The following CHRNE variants were observed in gnomAD, a reference collection of about 807,000 sequenced individuals.
CHRNE encodes the protein acetylcholine receptor subunit epsilon.
A neutral mutation model predicts 56.5 loss-of-function variants in CHRNE; 58 were observed. The observed-to-expected ratio is 1.03, with a 90% confidence interval of 0.83 to 1.28. The LOEUF is 1.28. Among genes scored for constraint, CHRNE ranks in the 50% most tolerant of loss-of-function variants. The probability of loss-of-function intolerance (pLI) is 0.00; values close to 1 mark genes in which losing one functional copy is unlikely to be tolerated. For missense variants in CHRNE, 793 were observed against 688.9 expected (o/e 1.15, Z -1.69); for synonymous variants, 385 against 297.9 (o/e 1.29, Z -3.01).
Position 4,901,180 on chromosome 17 carries a change from C to T in CHRNE, c.612G>A (p.Glu204=). ...IDTEAYTENG[E]WAIDFCPGVI... is the part of the protein sequence containing the mutation. Reference sequence around the variant, plus strand: ...CCCCCGGGCAGAAGTCGATGGCCCACTCGCCGTTCTCTGCGGGACGGGGGC... The same window carrying T: ...CCCCCGGGCAGAAGTCGATGGCCCATTCGCCGTTCTCTGCGGGACGGGGGC... Residue 204 remains glutamate (E), a synonymous_variant, in exon 7 of 12, where the codon GAG becomes GAA. Coordinates refer to ENST00000649488, the MANE Select transcript of CHRNE (RefSeq NM_000080.4). The T allele has an allele frequency of 6.2e-7, 1 of 1,604,892 alleles. No homozygotes were observed.
intron 11 of CHRNE, 41 bp from the exon 12 acceptor site, chr17:4,898,932 G>A: frequency 1.3e-6 from 2 of 1,565,750 alleles, no homozygotes; most frequent in South Asian, 1.2e-5. Context: ...GGCAGCTGCA[G>A]GAGCCAGCGG....
At position 4,902,176 on chromosome 17, in the gene CHRNE, G is replaced by GA; in HGVS notation, c.344+40_344+41insT. The stretch of plus-strand genomic sequence containing the variant: ...CCAACCAAGTCCAGCCCGCACCCCA[G>GA]GCCGGCTTCCCTCCAGCCTGGCGTC... On this transcript the variant is annotated intron_variant, in intron 4 of 11. Coordinates refer to ENST00000649488, the MANE Select transcript of CHRNE (RefSeq NM_000080.4). This position sits in a 1 kb window ranked among gnomAD's most constrained non-coding sequence, Gnocchi z 4.0. The GA allele has an allele frequency of 6.2e-7, 1 of 1,613,656 alleles. No homozygotes were observed. The highest frequency in any genetic ancestry group is 1.3e-5 in the African/African-American group (1 of 75,020).
At chr17:4,900,430 G>A (rs755639020) in intron 8 of CHRNE, 1 of 1,550,950 alleles carries the variant, frequency 6.4e-7, no homozygotes, top group Non-Finnish European at 8.7e-7. Flanking sequence ...TGCCTGTGTG[G>A]ACGGGGTCTG....
At position 4,898,369 on chromosome 17, in the gene CHRNE, G is replaced by A; in HGVS notation, c.*367C>T. On this transcript the variant is annotated 3_prime_UTR_variant, in exon 12 of 12. Coordinates refer to ENST00000649488, the MANE Select transcript of CHRNE (RefSeq NM_000080.4). The stretch of plus-strand genomic sequence containing the variant: ...TACAGCCTCCCTGTGTGCAAGTCCT[G>A]CAAAGGGGTCTCCTGTTTGGCTATG... 1 of 342,538 alleles carries A rather than the reference G, an allele frequency of 2.9e-6. No homozygotes were observed. The allele number at this position is 342,538 out of a possible 1,614,324, so 21.2% of individuals were successfully genotyped here.
rs950026231 is a variant in CHRNE at position 4,902,786 on chromosome 17, G to A, written c.47-23C>T. The A allele has an allele frequency of 6.2e-7, 1 of 1,614,040 alleles. No homozygotes were observed. Among genetic ancestry groups the A allele is most frequent in the Non-Finnish European group, 8.5e-7 (1 of 1,180,028 alleles). ...TGCCTGCGATGGGGTCAAGAAGGAA[G>A]GGTCATTGGCAATGAAGAGGCTGGA... On this transcript the variant is annotated intron_variant, in intron 1 of 11. Transcript: ENST00000649488. The surrounding 1 kb of genome is among the most constrained non-coding windows in gnomAD (Gnocchi z 4.0).
At position 4,899,505 on chromosome 17, in the gene CHRNE, G is replaced by C; in HGVS notation, c.995C>G (p.Thr332Arg). The change falls in exon 9 of 12, where the codon ACG becomes AGG. Residue 332 changes from threonine (T) to arginine (R), a missense_variant. Thr to Arg is a moderately conservative substitution (Grantham distance 71, BLOSUM62 -1). Coordinates refer to ENST00000649488, the MANE Select transcript of CHRNE (RefSeq NM_000080.4). ...CVIVLNVSQR[T>R]PTTHAMSPRL... The stretch of plus-strand genomic sequence containing the variant: ...CGGGGACATGGCGTGGGTGGTGGGC[G>C]TCCGCTGGGACACGTTGAGCACGAT... 6.2e-7 allele frequency: 1 copy of C among 1,602,950 alleles called. No homozygotes were observed. Among genetic ancestry groups the C allele is most frequent in the Non-Finnish European group, 8.5e-7 (1 of 1,176,048 alleles).
chr17:4,899,779 G>C, intron 8 of CHRNE, 197 bp from the exon 9 acceptor site: 1 of 1,551,230 alleles, frequency 6.4e-7, no homozygotes. Context: ...GGGACCCCCA[G>C]CTCCCTGGAC....
rs186131152 is a variant in CHRNE at position 4,897,805 on chromosome 17, C to A, written c.*931G>T. ...AGCACTTTAATGATTCCCCTTCCCC[C>A]AAACTCCAGGGAATGGAGGGGGGAC... On this transcript the variant is annotated 3_prime_UTR_variant, in exon 12 of 12. Transcript: ENST00000649488. The A allele has an allele frequency of 6.5e-6, 1 of 152,754 alleles. No individual in the cohort carries two copies. Among genetic ancestry groups the A allele is most frequent in the East Asian group, 1.9e-4 (1 of 5,174 alleles). The allele number at this position is 152,754 out of a possible 1,614,324, so 9.5% of individuals were successfully genotyped here. A position where few individuals can be genotyped will look rare whatever the true frequency, so the allele number is the denominator to read the frequency against.
Position 4,899,021 on chromosome 17 carries a change from C to G in CHRNE, c.1306G>C (p.Asp436His). The change falls in exon 11 of 12, where the codon GAT (aspartate) becomes CAT (histidine). Residue 436 changes from aspartate to histidine, a missense_variant. Coordinates refer to ENST00000649488, the MANE Select transcript of CHRNE (RefSeq NM_000080.4). ...AVNFVAESTR[D>H]QEATGEEVSD... ...CCCACCTCGCCGGTGGCCTCCTGAT[C>G]TCTCGTGCTCTCGGCCACGAAGTTC... 1 of 1,607,798 alleles carries G rather than the reference C, an allele frequency of 6.2e-7. No individual in the cohort carries two copies. Among genetic ancestry groups the G allele is most frequent in the Non-Finnish European group, 8.5e-7 (1 of 1,178,072 alleles).
In CHRNE at chr17:4,898,872, C is replaced by T; in HGVS notation, c.1346G>A (p.Arg449His). ...GATGTTGTCAAGGGCATTCCCCATG[C>T]GCACCCAGTCGGACACTTCCTGGGG... ...ATGEEVSDWV[R>H]MGNALDNICF... Residue 449 changes from arginine (R) to histidine (H), a missense_variant, in exon 12 of 12, where the codon CGC (arginine) becomes CAC (histidine). Arg to His is a conservative substitution (Grantham distance 29). Transcript: ENST00000649488. 5 of 1,582,938 alleles carry T rather than the reference C, an allele frequency of 3.2e-6. No homozygotes were observed. The highest frequency in any genetic ancestry group is 1.7e-4 in the Middle Eastern group (1 of 6,020).
intron 8 of CHRNE, 75 bp from the exon 9 acceptor site, chr17:4,899,657 A>C: frequency 6.9e-7 from 1 of 1,445,554 alleles, no homozygotes; most frequent in Non-Finnish European, 9.5e-7. Flanking sequence ...GACCTCACAA[A>C]CACGGCTTCT....
chr17:4,900,595 G>A lies in CHRNE; in HGVS notation c.917+198C>T, dbSNP rs571849061. On this transcript the variant is annotated intron_variant, in intron 8 of 11. Transcript: ENST00000649488. ...GGACTGTCCCCCAAGAGAGCTACTC[G>A]GGAGACCTCCAGGTGACGTCCAGCA... 1.1e-4 allele frequency: 174 copies of A among 1,541,678 alleles called. No homozygotes were observed. The African/African-American group carries it at 2.1e-3, about 19-fold the overall frequency.
Position 4,899,159 on chromosome 17 carries a change from A to AC in CHRNE, c.1219+38dup, listed in dbSNP as rs1567636111. On this transcript the variant is annotated intron_variant, in intron 10 of 11. Coordinates refer to ENST00000649488, the MANE Select transcript of CHRNE (RefSeq NM_000080.4). Reference sequence around the variant, plus strand: ...CTTAGGAGCCTCCCCCCTGGCAGGCACCCCGCGCGGCCCCCCGGGCCAGGG... The same window carrying AC: ...CTTAGGAGCCTCCCCCCTGGCAGGCACCCCCGCGCGGCCCCCCGGGCCAGGG... 7 of 1,592,386 alleles carry AC rather than the reference A, an allele frequency of 4.4e-6. No individual in the cohort carries two copies. In the South Asian group the frequency reaches 7.9e-5, roughly 18 times the overall value.
In CHRNE at chr17:4,899,127, G is replaced by C; in HGVS notation, c.1220-20C>G. On this transcript the variant is annotated intron_variant, in intron 10 of 11. Transcript: ENST00000649488. Reference sequence around the variant, plus strand: ...AGGCAGCTGGCGGGGAAAACACCGGGGTGGGCCTTAGGAGCCTCCCCCCTG... The same window carrying C: ...AGGCAGCTGGCGGGGAAAACACCGGCGTGGGCCTTAGGAGCCTCCCCCCTG... 1 of 1,603,262 alleles carries C rather than the reference G, an allele frequency of 6.2e-7. No individual in the cohort carries two copies. The highest frequency in any genetic ancestry group is 8.5e-7 in the Non-Finnish European group (1 of 1,176,718).
At chr17:4,901,890 C>CA (rs1555546947) in intron 5 of CHRNE, 42 bp downstream of exon 5, 1 of 1,605,320 alleles carries the variant, frequency 6.2e-7, no homozygotes, top group East Asian at 2.2e-5. Context: ...TAAGGCCCCC[C>CA]CCCAACAATA....
chr17:4,902,919 T>C lies in CHRNE; in HGVS notation c.46+99A>G. ...TATGCTGTGCCTGGGAACGAAATAC[T>C]GTGTCTAAGTCTCCATCTTGGTCTC... is the stretch of plus-strand genomic sequence containing the variant. On this transcript the variant is annotated intron_variant, in intron 1 of 11. Transcript: ENST00000649488. This position sits in a 1 kb window ranked among gnomAD's most constrained non-coding sequence, Gnocchi z 4.0. 1.2e-5 allele frequency: 19 copies of C among 1,584,716 alleles called. No individual in the cohort carries two copies. Among genetic ancestry groups the C allele is most frequent in the Non-Finnish European group, 1.3e-5 (15 of 1,153,650 alleles).
chr17:4,906,946 A>G (rs918096695), upstream of CHRNE, among the ~76,000 whole-genome samples: 1 of 152,218 alleles, frequency 6.6e-6, no homozygotes, highest in African/African-American at 2.4e-5. Context: ...CCAGGCACAG[A>G]AAGACAATCA....
intron 8 of CHRNE, chr17:4,899,883 G>A (rs1010847156): frequency 6.5e-7 from 1 of 1,549,154 alleles, no homozygotes; most frequent in African/African-American, 1.4e-5. Flanking sequence ...TAGGTCTCCT[G>A]TTCGCCCCTG....
At chr17:4,901,861 C>A in intron 5 of CHRNE, 71 bp downstream of exon 5, 1 of 1,593,686 alleles carries the variant, frequency 6.3e-7, no homozygotes, top group Non-Finnish European at 8.6e-7. Context: ...GGCGGTGCTT[C>A]CCGGTTGGCC....
Sources: gnomAD v4.1 joint callset for allele counts (sites outside exome capture counted in the v4.1 genomes callset) on GRCh38, gnomAD v4.1.1 for gene constraint, Gnocchi (gnomAD v3.1) non-coding constraint, MANE v1.5 for transcripts, NCBI Gene and HGNC (gene_info 2026-07-23, HGNC 2026-07-21) for gene names.